Variants in ABHD12B observed in about 807,000 individuals in gnomAD.
The protein encoded by ABHD12B is abhydrolase domain containing 12B.
ABHD12B carries 42 observed loss-of-function variants against 50.4 expected under a neutral mutation model. The ratio of observed to expected loss-of-function variants is 0.83; its 90% CI spans 0.65 to 1.08. The LOEUF (loss-of-function observed/expected upper bound fraction) is 1.08, where lower values mean the gene tolerates loss of function less well. ABHD12B is among the 50% of genes least tolerant of loss of function. The probability of loss-of-function intolerance (pLI) is 0.00; values close to 1 mark genes in which losing one functional copy is unlikely to be tolerated. For synonymous variants in ABHD12B, 167 were observed against 160.3 expected (o/e 1.04, Z -0.32); for missense variants, 479 against 447.7 (o/e 1.07, Z -0.63).
rs951378179 is a variant in ABHD12B, at chr14:50,880,345, A to G, written c.336-107A>G. On this transcript the variant is annotated intron_variant, in intron 3 of 12. Coordinates refer to ENST00000337334, the MANE Select transcript of ABHD12B (RefSeq NM_001206673.2). ...TTTGCCATGTGCATATATTAGTCGG[A>G]TAAAAAATTAAAATATATGTATATA... The G allele has an allele frequency of 2.5e-6, 3 of 1,184,434 alleles. No homozygotes were observed. In the African/African-American group the frequency reaches 4.8e-5, roughly 19 times the overall value. The allele number at this position is 1,184,434 out of a possible 1,614,324, so 73.4% of individuals were successfully genotyped here.
chr14:50,890,017 A>G (rs1209414394), intron 9 of ABHD12B, among the ~76,000 whole-genome samples: 1 of 152,186 alleles, frequency 6.6e-6, no homozygotes, highest in Non-Finnish European at 1.5e-5. Context: ...AAATGGCTTT[A>G]ATATCTAAGT....
chr14:50,883,079 C>T (rs1034778154), intron 5 of ABHD12B, among the ~76,000 whole-genome samples: 3 of 151,946 alleles, frequency 2.0e-5, no homozygotes, highest in Admixed American at 2.0e-4. Flanking sequence ...CTGCATGACT[C>T]TGGTTTGTTG....
intron 1 of ABHD12B, among the ~76,000 whole-genome samples, chr14:50,872,528 T>G (rs1016674241): frequency 3.3e-5 from 5 of 152,152 alleles, no homozygotes; most frequent in African/African-American, 1.2e-4. Flanking sequence ...TTTCAGGAAG[T>G]TATAACTTTT....
At chr14:50,873,511 C>T (rs1757138816) in intron 1 of ABHD12B, among the ~76,000 whole-genome samples, 2 of 152,222 alleles carry the variant, frequency 1.3e-5, no homozygotes, top group Non-Finnish European at 2.9e-5. Context: ...TGCACCTGGT[C>T]TCTTTTCTCT....
At chr14:50,901,345 C>T (rs1385716149) in intron 9 of ABHD12B, among the ~76,000 whole-genome samples, 1 of 152,188 alleles carries the variant, frequency 6.6e-6, no homozygotes, top group African/African-American at 2.4e-5. Context: ...TTGTTAAAAA[C>T]TAAAATGTCT....
At chr14:50,889,086 T>A (rs1385819607) in intron 9 of ABHD12B, among the ~76,000 whole-genome samples, 183 bp downstream of exon 9, 2 of 152,240 alleles carry the variant, frequency 1.3e-5, no homozygotes, top group East Asian at 3.8e-4. Context: ...CCCATGGCTG[T>A]CGGATTTGAT....
At chr14:50,888,732 C>T (rs1274444564) in intron 8 of ABHD12B, 92 bp from the exon 9 acceptor site, 1 of 1,066,802 alleles carries the variant, frequency 9.4e-7, no homozygotes, top group East Asian at 2.5e-5. Context: ...GCACGTAGCT[C>T]ATGTACAAGA....
intron 9 of ABHD12B, among the ~76,000 whole-genome samples, chr14:50,889,980 C>T (rs555588794): frequency 1.2e-3 from 184 of 152,250 alleles, no homozygotes; most frequent in African/African-American, 3.0e-3. Flanking sequence ...TCTAGGACAG[C>T]GAGTTCACAT....
chr14:50,903,389 T>A lies in ABHD12B; in HGVS notation c.864T>A (p.Asn288Lys). ...KDKIIFPNDENVKFLSSPLLI... is the reference protein window; with the variant it reads ...KDKIIFPNDEKVKFLSSPLLI... ...ATGCTTTTCTTCTACTTGTCCCTAG[T>A]GTTAAATTCCTTTCTTCTCCTCTTC... The change falls in exon 11 of 13, where the codon AAT (asparagine) becomes AAA (lysine). Residue 288 changes from asparagine (N) to lysine (K), a missense_variant and splice_region_variant. By Grantham distance (94) the Asn-to-Lys change is moderately conservative. Coordinates refer to ENST00000337334, the MANE Select transcript of ABHD12B (RefSeq NM_001206673.2). 6.2e-7 allele frequency: 1 copy of A among 1,608,910 alleles called. No individual in the cohort carries two copies. Among genetic ancestry groups the A allele is most frequent in the Non-Finnish European group, 8.5e-7 (1 of 1,176,012 alleles).
Position 50,904,348 on chromosome 14 carries a change from G to A in ABHD12B, c.1071G>A (p.Leu357=). 2 of 1,613,754 alleles carry A rather than the reference G, an allele frequency of 1.2e-6. No individual in the cohort carries two copies. The highest frequency in any genetic ancestry group is 1.7e-6 in the Non-Finnish European group (2 of 1,179,798). ...PTLLITVRDF[L]SKQWS is the part of the protein sequence containing the mutation. ...GGTCCTTTTTCTACAGAGATTTCCT[G>A]AGCAAGCAGTGGTCATGAGTCTGGG... is the stretch of plus-strand genomic sequence containing the variant. Residue 357 remains leucine, a synonymous_variant, in exon 13 of 13, where the codon CTG becomes CTA. Coordinates refer to ENST00000337334, the MANE Select transcript of ABHD12B (RefSeq NM_001206673.2).
chr14:50,874,211 A>T (rs1300977753), intron 1 of ABHD12B, among the ~76,000 whole-genome samples: 1 of 152,200 alleles, frequency 6.6e-6, no homozygotes, highest in Non-Finnish European at 1.5e-5. Flanking sequence ...GAATCTAGTT[A>T]TTTATTTTAC....
At chr14:50,904,031 G>C in intron 11 of ABHD12B, 43 bp from the exon 12 acceptor site, 1 of 1,515,616 alleles carries the variant, frequency 6.6e-7, no homozygotes, top group Non-Finnish European at 9.1e-7. Context: ...AAAATCTACA[G>C]CTTTGAATGG....
intron 12 of ABHD12B, 42 bp from the exon 13 acceptor site, chr14:50,904,297 G>A: frequency 6.2e-7 from 1 of 1,614,072 alleles, no homozygotes; most frequent in Non-Finnish European, 8.5e-7. Context: ...GCTTATTTAG[G>A]TAGGGAAAGG....
At chr14:50,886,836 A>G in intron 8 of ABHD12B, 152 bp downstream of exon 8, 1 of 625,100 alleles carries the variant, frequency 1.6e-6, no homozygotes, top group East Asian at 2.8e-5. Flanking sequence ...TTTCTTTTTG[A>G]TCTCCCTTTA....
chr14:50,899,146 C>T (rs895006498), intron 9 of ABHD12B, among the ~76,000 whole-genome samples: 5 of 152,094 alleles, frequency 3.3e-5, no homozygotes, highest in African/African-American at 1.2e-4. Context: ...GAACCGAGAT[C>T]GTGCCACTGC....
At chr14:50,873,222 C>CT (rs369236270) in intron 1 of ABHD12B, among the ~76,000 whole-genome samples, 68 of 148,610 alleles carry the variant, frequency 4.6e-4, no homozygotes, top group East Asian at 3.3e-3. Context: ...CTCTCTCTCT[C>CT]TTTTTTTTTT....
At chr14:50,880,634 G>A (rs2049929290) in intron 4 of ABHD12B, 63 bp downstream of exon 4, 24 of 1,460,432 alleles carry the variant, frequency 1.6e-5, no homozygotes, top group Non-Finnish European at 2.1e-5. Flanking sequence ...CCCCATGGGG[G>A]AATGAAGGAC....
At chr14:50,872,394 A>G (rs541751997) in intron 1 of ABHD12B, 116 bp downstream of exon 1, 8,307 of 732,252 alleles carry the variant, frequency 0.011, 77 homozygotes, top group South Asian at 0.022. Flanking sequence ...CCCGGGCCCA[A>G]GGCCCAGCAT....
At position 50,895,388 on chromosome 14, in the gene ABHD12B, G is replaced by T. The variant is rs529224715; in HGVS notation, c.781-6441G>T. On this transcript the variant is annotated intron_variant, in intron 9 of 12. Transcript: ENST00000337334. ...CTCCAGCACACAAGAACTTCCAAAC[G>T]CCTGAACCGCAGCAGCCAGGCGTTC... is the stretch of plus-strand genomic sequence containing the variant. Among the ~76,000 whole-genome samples the T allele has an allele frequency of 2.6e-5, 4 of 151,218 alleles. No homozygotes were observed. In the South Asian group the frequency reaches 8.3e-4, roughly 32 times the overall value.
Sources: allele counts gnomAD v4.1 joint callset (sites outside exome capture counted in the v4.1 genomes callset), GRCh38; gene constraint gnomAD v4.1.1; transcripts MANE v1.5; gene names NCBI Gene and HGNC (gene_info 2026-07-23, HGNC 2026-07-21).